VAV3: variants seen among roughly 807,000 people sequenced by gnomAD.
The protein encoded by VAV3 is vav guanine nucleotide exchange factor 3.
In VAV3, 94 loss-of-function variants were observed where a neutral mutation model predicts 131.2. The ratio of observed to expected loss-of-function variants is 0.72; its 90% CI spans 0.61 to 0.85. The LOEUF (loss-of-function observed/expected upper bound fraction) is 0.85, where lower values mean the gene tolerates loss of function less well. VAV3 is among the 40% of genes least tolerant of loss of function. The pLI is 0.00. For missense variants in VAV3, 939 were observed against 1,002.7 expected (o/e 0.94, Z 0.86); for synonymous variants, 349 against 342.0 (o/e 1.02, Z -0.22).
At chr1:107,864,446 AC>A (rs1181501569) in intron 2 of VAV3, among the ~76,000 whole-genome samples, 2 of 151,962 alleles carry the variant, frequency 1.3e-5, no homozygotes, top group African/African-American at 4.8e-5. Context: ...ACATGGCAAA[AC>A]CCTGTCTCTA....
At chr1:107,793,251 G>A (rs1008953490) in intron 2 of VAV3, among the ~76,000 whole-genome samples, 2 of 152,108 alleles carry the variant, frequency 1.3e-5, no homozygotes. Flanking sequence ...CCTTCATCAT[G>A]GGTGATCTGC....
At chr1:107,739,033 A>G (rs1170866638) in intron 15 of VAV3, among the ~76,000 whole-genome samples, 2 of 152,232 alleles carry the variant, frequency 1.3e-5, no homozygotes, top group Admixed American at 6.5e-5. Flanking sequence ...ACACTAATTC[A>G]GCTTACTAAT....
At chr1:107,834,518 T>C (rs1668387341) in intron 2 of VAV3, among the ~76,000 whole-genome samples, 1 of 151,854 alleles carries the variant, frequency 6.6e-6, no homozygotes, top group South Asian at 2.1e-4. Context: ...CTCTACACAA[T>C]AGCAGAATAC....
intron 1 of VAV3, among the ~76,000 whole-genome samples, chr1:107,908,200 A>G (rs1672193751): frequency 6.6e-6 from 1 of 152,218 alleles, no homozygotes; most frequent in African/African-American, 2.4e-5. Flanking sequence ...TGAAAGTAAG[A>G]ACACTGGAGA....
chr1:107,823,988 C>T (rs1667906015), intron 2 of VAV3, among the ~76,000 whole-genome samples: 1 of 152,174 alleles, frequency 6.6e-6, no homozygotes, highest in African/African-American at 2.4e-5. Flanking sequence ...TTAAGTCACT[C>T]TAACTGTGGT....
At chr1:107,651,494 ATTAT>A (rs931568420) in intron 19 of VAV3, among the ~76,000 whole-genome samples, 1 of 114,784 alleles carries the variant, frequency 8.7e-6, no homozygotes, top group African/African-American at 3.3e-5. Flanking sequence ...CTTTATCTCA[ATTAT>A]TTATTTATTT....
At chr1:107,658,058 AC>A (rs1656709442) in intron 19 of VAV3, among the ~76,000 whole-genome samples, 2 of 152,234 alleles carry the variant, frequency 1.3e-5, no homozygotes, top group Non-Finnish European at 2.9e-5. Flanking sequence ...TGGGCACAAT[AC>A]TTCAATATCT....
At chr1:107,740,466 AAT>A (rs1172321721) in intron 15 of VAV3, among the ~76,000 whole-genome samples, 3 of 152,228 alleles carry the variant, frequency 2.0e-5, no homozygotes, top group Non-Finnish European at 4.4e-5. Flanking sequence ...AGACATTTTT[AAT>A]ATTCAATTAG....
At chr1:107,614,087 C>A (rs1055163301) in intron 21 of VAV3, among the ~76,000 whole-genome samples, 3 of 151,984 alleles carry the variant, frequency 2.0e-5, no homozygotes, top group African/African-American at 7.3e-5. Flanking sequence ...CCAAAGTAGG[C>A]ATATCATCAT....
intron 17 of VAV3, among the ~76,000 whole-genome samples, chr1:107,701,866 T>C (rs1660153236): frequency 1.3e-5 from 2 of 152,162 alleles, no homozygotes; most frequent in Admixed American, 6.6e-5. Flanking sequence ...GTCCACACCA[T>C]TATCAGCACT....
chr1:107,599,227 AG>A (rs1651644844), intron 24 of VAV3, among the ~76,000 whole-genome samples: 1 of 152,182 alleles, frequency 6.6e-6, no homozygotes, highest in Non-Finnish European at 1.5e-5. Flanking sequence ...CAGTCTTACG[AG>A]GGTAAATCTT....
chr1:107,887,994 T>C (rs1208350466), intron 1 of VAV3, among the ~76,000 whole-genome samples: 1 of 142,650 alleles, frequency 7.0e-6, no homozygotes, highest in East Asian at 2.1e-4. Context: ...TTTGGTTCTA[T>C]CCAAAAATTT....
At chr1:107,917,263 G>C (rs1672669741) in intron 1 of VAV3, among the ~76,000 whole-genome samples, 1 of 152,106 alleles carries the variant, frequency 6.6e-6, no homozygotes, top group Non-Finnish European at 1.5e-5. Context: ...AAGCATCACA[G>C]AAGCCCCTCA....
At chr1:107,942,703 T>G (rs1459234943) in intron 1 of VAV3, among the ~76,000 whole-genome samples, 1 of 152,180 alleles carries the variant, frequency 6.6e-6, no homozygotes, top group African/African-American at 2.4e-5. Flanking sequence ...CTCCTTGATA[T>G]TCTAAGAAAA....
intron 20 of VAV3, among the ~76,000 whole-genome samples, chr1:107,641,540 A>G (rs1458653560): frequency 1.3e-5 from 2 of 152,162 alleles, no homozygotes; most frequent in Non-Finnish European, 2.9e-5. Context: ...TAAGTTCAAA[A>G]AAAGTTTCAA....
chr1:107,774,913 C>CTTTT (rs375088872), intron 4 of VAV3, among the ~76,000 whole-genome samples: 137 of 130,706 alleles, frequency 1.0e-3, no homozygotes, highest in African/African-American at 3.0e-3. Flanking sequence ...AATACATTTG[C>CTTTT]TTTTTTTTTT....
At chr1:107,712,338 ATT>A (rs921543184) in intron 15 of VAV3, among the ~76,000 whole-genome samples, 1 of 152,082 alleles carries the variant, frequency 6.6e-6, no homozygotes, top group African/African-American at 2.4e-5. Context: ...TGAGATTGAG[ATT>A]TTTTGTGTGT....
At chr1:107,956,760 C>T (rs569430247) in intron 1 of VAV3, among the ~76,000 whole-genome samples, 98 of 152,150 alleles carry the variant, frequency 6.4e-4, no homozygotes, top group African/African-American at 2.3e-3. Flanking sequence ...GGATCATGAA[C>T]TTAAAGTGAG....
intron 2 of VAV3, among the ~76,000 whole-genome samples, chr1:107,822,466 A>T (rs1667834514): frequency 6.6e-6 from 1 of 152,008 alleles, no homozygotes; most frequent in Admixed American, 6.6e-5. Context: ...CATCCTGGCT[A>T]ACATGGTGAA....
Sources: allele counts gnomAD v4.1 joint callset (sites outside exome capture counted in the v4.1 genomes callset), GRCh38; gene constraint gnomAD v4.1.1; transcripts MANE v1.5; gene names NCBI Gene and HGNC (gene_info 2026-07-23, HGNC 2026-07-21).